The following RALYL variants were observed in gnomAD, a reference collection of about 807,000 sequenced individuals.
The protein encoded by RALYL is RALY RNA binding protein like.
Under a neutral mutation model 35.1 loss-of-function variants are expected in RALYL, and 29 were observed. The observed-to-expected ratio is 0.83, with a 90% CI of 0.61 to 1.13. RALYL has a LOEUF of 1.13. RALYL is among the 50% of genes most tolerant of loss of function. RALYL has a pLI of 0.00. For synonymous variants in RALYL, 120 were observed against 127.6 expected (o/e 0.94, Z 0.40); for missense variants, 359 against 360.4 (o/e 1.00, Z 0.03).
chr8:84,722,617 T>TATATATATA (rs1554546342), intron 2 of RALYL, among the ~76,000 whole-genome samples: 1,548 of 96,904 alleles, frequency 0.016, 89 homozygotes, highest in African/African-American at 0.045. Context: ...TAGAGTGATT[T>TATATATATA]TATATATATA....
intron 4 of RALYL, among the ~76,000 whole-genome samples, chr8:84,813,599 A>C (rs910944647): frequency 6.6e-6 from 1 of 152,202 alleles, no homozygotes; most frequent in Non-Finnish European, 1.5e-5. Context: ...TTCAATAAAA[A>C]TGTGTGAATT....
At position 84,407,814 on chromosome 8, in the gene RALYL, T is replaced by G. The variant is rs572675110; in HGVS notation, c.-23-121485T>G. ...AATATTAGCTAAAATCATAGATTGC[T>G]TCTATGAAACAGGCTTAGCATCATC... On this transcript the variant is annotated intron_variant, in intron 1 of 8. Transcript: ENST00000521268. 2.0e-5 allele frequency among the ~76,000 whole-genome samples: 3 copies of G among 152,272 alleles called. No homozygotes were observed. In the East Asian group the frequency reaches 5.8e-4, roughly 29 times the overall value.
chr8:84,447,924 A>G (rs1029282301), intron 1 of RALYL, among the ~76,000 whole-genome samples: 3 of 152,040 alleles, frequency 2.0e-5, no homozygotes, highest in African/African-American at 7.2e-5. Flanking sequence ...ATTATAATGT[A>G]TAATATTACA....
At chr8:84,528,920 A>T (rs1469244295) in intron 1 of RALYL, among the ~76,000 whole-genome samples, 1 of 152,166 alleles carries the variant, frequency 6.6e-6, no homozygotes, top group Non-Finnish European at 1.5e-5. Context: ...TCTTTATTAC[A>T]TCTATCATCA....
At chr8:84,255,717 A>C (rs1369291594) in intron 1 of RALYL, among the ~76,000 whole-genome samples, 11 of 152,134 alleles carry the variant, frequency 7.2e-5, no homozygotes, top group Middle Eastern at 3.2e-3. Flanking sequence ...TGCAAAAATA[A>C]ATTACTAATG....
chr8:84,576,718 T>C (rs561934992), intron 2 of RALYL, among the ~76,000 whole-genome samples: 40 of 152,358 alleles, frequency 2.6e-4, no homozygotes, highest in Non-Finnish European at 4.7e-4. Flanking sequence ...GATCTAGACC[T>C]ATCTGTCTAT....
At chr8:84,691,868 A>G (rs1838127748) in intron 2 of RALYL, among the ~76,000 whole-genome samples, 2 of 152,098 alleles carry the variant, frequency 1.3e-5, no homozygotes, top group African/African-American at 4.8e-5. Context: ...TTAGCAAATC[A>G]AATGCAGTGA....
chr8:84,808,376 T>C (rs1825154454), intron 4 of RALYL, among the ~76,000 whole-genome samples: 1 of 152,220 alleles, frequency 6.6e-6, no homozygotes, highest in African/African-American at 2.4e-5. Context: ...CCTATTTTTA[T>C]ACCAGTACCA....
intron 1 of RALYL, among the ~76,000 whole-genome samples, chr8:84,214,283 A>T (rs889245836): frequency 6.6e-6 from 1 of 152,128 alleles, no homozygotes; most frequent in African/African-American, 2.4e-5. Flanking sequence ...ATATACATAT[A>T]ATAAGAAATA....
intron 8 of RALYL, among the ~76,000 whole-genome samples, chr8:84,920,140 A>G (rs1015510932): frequency 6.6e-6 from 1 of 152,104 alleles, no homozygotes; most frequent in Non-Finnish European, 1.5e-5. Flanking sequence ...GACTCTTAAG[A>G]CATACACAGA....
At chr8:84,503,049 G>A (rs1463823014) in intron 1 of RALYL, among the ~76,000 whole-genome samples, 1 of 152,026 alleles carries the variant, frequency 6.6e-6, no homozygotes, top group East Asian at 1.9e-4. Context: ...ATTGGCACGG[G>A]AATAGAGAAA....
chr8:84,186,426 T>G (rs377331093), intron 1 of RALYL, among the ~76,000 whole-genome samples: 2 of 152,286 alleles, frequency 1.3e-5, no homozygotes, highest in East Asian at 3.9e-4. Context: ...GCAAGACAAT[T>G]TATGTGTATA....
At chr8:84,866,322 C>G (rs1839163693) in intron 6 of RALYL, among the ~76,000 whole-genome samples, 1 of 152,062 alleles carries the variant, frequency 6.6e-6, no homozygotes, top group Non-Finnish European at 1.5e-5. Flanking sequence ...AATCCTTTAA[C>G]CCCTATATAC....
chr8:84,913,944 G>T (rs1847996410), intron 8 of RALYL, among the ~76,000 whole-genome samples: 1 of 151,642 alleles, frequency 6.6e-6, no homozygotes, highest in African/African-American at 2.4e-5. Context: ...TTATTATATT[G>T]TAATCTTTGA....
chr8:84,529,179 T>C, intron 1 of RALYL, 120 bp from the exon 2 acceptor site: 1 of 947,744 alleles, frequency 1.1e-6, no homozygotes, highest in Non-Finnish European at 1.6e-6. Context: ...CATTAATACT[T>C]AGGGATTGGA....
chr8:84,866,474 A>G (rs1839194773), intron 6 of RALYL, among the ~76,000 whole-genome samples: 1 of 152,230 alleles, frequency 6.6e-6, no homozygotes, highest in Non-Finnish European at 1.5e-5. Flanking sequence ...TATAATTATT[A>G]TAGCAGTTAA....
chr8:84,793,637 C>A (rs1425412567), intron 3 of RALYL, among the ~76,000 whole-genome samples: 1 of 152,110 alleles, frequency 6.6e-6, no homozygotes, highest in Admixed American at 6.6e-5. Flanking sequence ...TGCAGCCTTG[C>A]CAGTCACTTG....
intron 2 of RALYL, among the ~76,000 whole-genome samples, chr8:84,701,997 G>A (rs1431778809): frequency 6.6e-6 from 1 of 152,062 alleles, no homozygotes; most frequent in Admixed American, 6.6e-5. Flanking sequence ...ACTTTATTCA[G>A]ACATAACCTC....
intron 1 of RALYL, among the ~76,000 whole-genome samples, chr8:84,471,515 G>C (rs2052750047): frequency 6.6e-6 from 1 of 151,860 alleles, no homozygotes; most frequent in Non-Finnish European, 1.5e-5. Flanking sequence ...GATGGCTTGA[G>C]CCCAGGAGTT....
Sources: allele counts gnomAD v4.1 joint callset (sites outside exome capture counted in the v4.1 genomes callset), GRCh38; gene constraint gnomAD v4.1.1; transcripts MANE v1.5; gene names NCBI Gene and HGNC (gene_info 2026-07-23, HGNC 2026-07-21).